The following SPG11 variants were observed in gnomAD, a reference collection of about 807,000 sequenced individuals.
SPG11 encodes spatacsin.
A neutral mutation model predicts 274.0 loss-of-function variants in SPG11; 222 were observed. The observed-to-expected ratio is 0.81, with a 90% CI of 0.73 to 0.91. The LOEUF is 0.91. Among genes scored for constraint, SPG11 ranks in the 40% least tolerant of loss-of-function variants. The pLI is 0.00. For synonymous variants in SPG11, 1,144 were observed against 1,039.7 expected, an observed-to-expected ratio of 1.10 and a Z score of -1.93; for missense variants, 3,114 against 2,872.7, an observed-to-expected ratio of 1.08 and a Z score of -1.92.
chr15:44,641,586 TACACAC>T (rs147901004), intron 7 of SPG11, among the ~76,000 whole-genome samples: 1,510 of 112,482 alleles, frequency 0.013, 27 homozygotes, highest in East Asian at 0.087. Context: ...CCAAATATCT[TACACAC>T]ACACACACAC....
At chr15:44,656,505 T>C (rs564874811) in intron 4 of SPG11, among the ~76,000 whole-genome samples, 4 of 152,108 alleles carry the variant, frequency 2.6e-5, no homozygotes, top group Non-Finnish European at 2.9e-5. Context: ...GGTCAATGAA[T>C]TGGAAATTCC....
chr15:44,623,808 T>C (rs140965189), intron 11 of SPG11, among the ~76,000 whole-genome samples: 391 of 152,170 alleles, frequency 2.6e-3, no homozygotes, highest in Non-Finnish European at 4.3e-3. Flanking sequence ...CCAGGCTGGA[T>C]GGAATGCAGT....
intron 27 of SPG11, among the ~76,000 whole-genome samples, chr15:44,591,561 G>A (rs1313894366): frequency 6.6e-6 from 1 of 152,196 alleles, no homozygotes; most frequent in African/African-American, 2.4e-5. Flanking sequence ...ACTGGCCATA[G>A]GGAGTAATAG....
At chr15:44,572,364 G>A (rs1315886595) in intron 33 of SPG11, 17 of 367,898 alleles carry the variant, frequency 4.6e-5, no homozygotes. Flanking sequence ...CTTAACAGAT[G>A]TAATCAGCTT....
At position 44,564,625 on chromosome 15, in the gene SPG11, T is replaced by C. The variant is rs755752684; in HGVS notation, c.7073A>G (p.Lys2358Arg). ...AEILYQQVIL[K>R]GDFNYLEEFK... ...TTCTTCCAAGTAATTAAAGTCTCCTTTAAGAATCACTTGCTGGTATAAAAT... is the reference window on the plus strand; with the variant it reads ...TTCTTCCAAGTAATTAAAGTCTCCTCTAAGAATCACTTGCTGGTATAAAAT... The change falls in exon 39 of 40, where the codon AAA becomes AGA. Residue 2358 changes from lysine to arginine, a missense_variant. By Grantham distance (26) the Lys-to-Arg change is conservative. Transcript: ENST00000261866. 1 of 1,614,074 alleles carries C rather than the reference T, an allele frequency of 6.2e-7. No individual in the cohort carries two copies.
At position 44,600,615 on chromosome 15, in the gene SPG11, G is replaced by T. The variant is rs747910594; in HGVS notation, c.3538C>A (p.Pro1180Thr). The change falls in exon 21 of 40, where the codon CCA (proline) becomes ACA (threonine). Residue 1180 changes from proline to threonine, a missense_variant. Physicochemically the swap from Pro to Thr is conservative, Grantham distance 38. Transcript: ENST00000261866. ...LAIGDAWSHL[P>T]HFSSPDLVNK... ...ACCAGGTCAGGGCTAGAGAAATGTG[G>T]GAGATGACTCCATGCATCTAGGGGG... 15 of 1,613,832 alleles carry T rather than the reference G, an allele frequency of 9.3e-6. No homozygotes were observed. The highest frequency in any genetic ancestry group is 1.7e-5 in the Admixed American group (1 of 59,980).
chr15:44,620,259 A>G lies in SPG11; in HGVS notation c.2765T>C (p.Val922Ala), dbSNP rs780318629. ...GGAAGTATTCTGGTTAATAACATCA[A>G]CAGTCAGAAGGGGCCATTTGTTCTG... Reference protein sequence around the residue: ...LQQNKWPLLTVDVINQNTSCN... With the variant: ...LQQNKWPLLTADVINQNTSCN... The change falls in exon 15 of 40, where the codon GTT becomes GCT. Residue 922 changes from valine to alanine, a missense_variant. Coordinates refer to ENST00000261866, the MANE Select transcript of SPG11 (RefSeq NM_025137.4). 3.7e-6 allele frequency: 6 copies of G among 1,614,132 alleles called. No homozygotes were observed. The highest frequency in any genetic ancestry group is 2.2e-5 in the South Asian group (2 of 91,082).
rs2082848868 is a variant in SPG11 at position 44,589,457 on chromosome 15, G to C, written c.4744-43C>G. 2.5e-6 allele frequency: 4 copies of C among 1,612,224 alleles called. No individual in the cohort carries two copies. The African/African-American group carries it at 5.3e-5, about 21-fold the overall frequency. On this transcript the variant is annotated intron_variant, in intron 27 of 39. Transcript: ENST00000261866. ...AAGCTTAGGGAAAGCAGTTTCATGAGAATAGCAAATCAAAACCTCCAAATC... is the reference window on the plus strand; with the variant it reads ...AAGCTTAGGGAAAGCAGTTTCATGACAATAGCAAATCAAAACCTCCAAATC...
intron 7 of SPG11, among the ~76,000 whole-genome samples, chr15:44,641,375 C>A (rs1489517284): frequency 6.6e-6 from 1 of 151,864 alleles, no homozygotes; most frequent in Non-Finnish European, 1.5e-5. Flanking sequence ...AATTAAATTC[C>A]ATTAAAATTA....
chr15:44,652,184 G>C lies in SPG11; in HGVS notation c.952C>G (p.Pro318Ala). ...QGPKGVDEDD[P>A]VNSAYNMKLA... ...TTCATGTTGTAGGCAGAGTTAACAG[G>C]ATCATCTTCATCTACGCCCTTAGGT... The change falls in exon 5 of 40, where the codon CCT becomes GCT. Residue 318 changes from proline to alanine, a missense_variant. Pro to Ala is a conservative substitution (Grantham distance 27, BLOSUM62 -1). Transcript: ENST00000261866. 6.2e-7 allele frequency: 1 copy of C among 1,614,078 alleles called. No homozygotes were observed.
At chr15:44,576,985 C>T (rs980860062) in intron 30 of SPG11, among the ~76,000 whole-genome samples, 7 of 151,924 alleles carry the variant, frequency 4.6e-5, no homozygotes, top group Admixed American at 4.6e-4. Flanking sequence ...CACCACCACG[C>T]CCAGCTAATT....
chr15:44,655,420 G>A (rs755530769), intron 4 of SPG11, among the ~76,000 whole-genome samples: 1 of 152,156 alleles, frequency 6.6e-6, no homozygotes, highest in Admixed American at 6.6e-5. Context: ...TCATGACATT[G>A]TAAGAAAAAC....
At chr15:44,635,164 C>T (rs1447246029) in intron 7 of SPG11, among the ~76,000 whole-genome samples, 1 of 151,942 alleles carries the variant, frequency 6.6e-6, no homozygotes, top group African/African-American at 2.4e-5. Flanking sequence ...TGTGGTGAGC[C>T]AAGATCATAC....
intron 1 of SPG11, 64 bp downstream of exon 1, chr15:44,663,327 G>A (rs1466255855): frequency 6.4e-7 from 1 of 1,565,176 alleles, no homozygotes; most frequent in African/African-American, 1.4e-5. Flanking sequence ...GAGCCCTTGG[G>A]GCTCAGTCAG....
chr15:44,653,748 T>C (rs1010950649), intron 4 of SPG11, among the ~76,000 whole-genome samples: 3 of 152,170 alleles, frequency 2.0e-5, no homozygotes, highest in African/African-American at 7.2e-5. Flanking sequence ...TAGTTCCCTC[T>C]TATCCACAGT....
chr15:44,611,094 A>T, intron 17 of SPG11, 109 bp from the exon 18 acceptor site: 1 of 291,858 alleles, frequency 3.4e-6, no homozygotes, highest in Non-Finnish European at 5.8e-6. Flanking sequence ...TCCCCAGTAA[A>T]AAAAAAAAAA....
chr15:44,577,038 G>C lies in SPG11; in HGVS notation c.5867-1997C>G, dbSNP rs192532526. On this transcript the variant is annotated intron_variant, in intron 30 of 39. Coordinates refer to ENST00000261866, the MANE Select transcript of SPG11 (RefSeq NM_025137.4). ...ATATGAAGTTTCACCATGTTGGCCA[G>C]GCTGGTCTTGAACTCCTGACCTCAG... Among the ~76,000 whole-genome samples, 207 of 152,146 alleles carry C rather than the reference G, an allele frequency of 1.4e-3. 3 individuals are homozygous for C. Among genetic ancestry groups the C allele is most frequent in the Admixed American group, 0.013 (198 of 15,278 alleles).
chr15:44,656,158 G>C (rs1178842144), intron 4 of SPG11, among the ~76,000 whole-genome samples: 2 of 152,146 alleles, frequency 1.3e-5, no homozygotes, highest in Non-Finnish European at 2.9e-5. Flanking sequence ...GAGGAAAACA[G>C]AGAAGGTTTA....
At chr15:44,651,462 G>C (rs2084773265) in intron 6 of SPG11, 29 bp downstream of exon 6, 4 of 1,590,928 alleles carry the variant, frequency 2.5e-6, no homozygotes, top group Non-Finnish European at 2.6e-6. Flanking sequence ...CTCAGCAATG[G>C]ATTTCAATCT....
Sources: allele counts gnomAD v4.1 joint callset (sites outside exome capture counted in the v4.1 genomes callset), GRCh38; gene constraint gnomAD v4.1.1; transcripts MANE v1.5; gene names NCBI Gene and HGNC (gene_info 2026-07-23, HGNC 2026-07-21).